TMEM177: variants seen among roughly 807,000 people sequenced by gnomAD.
TMEM177 encodes the protein transmembrane protein 177.
Under a neutral mutation model 14.2 loss-of-function variants are expected in TMEM177, and 4 were observed. The ratio of observed to expected loss-of-function variants is 0.28; its 90% CI spans 0.14 to 0.64. TMEM177 has a LOEUF of 0.64. Among genes scored for constraint, TMEM177 ranks in the 30% least tolerant of loss-of-function variants. The probability of loss-of-function intolerance (pLI) is 0.82; values close to 1 mark genes in which losing one functional copy is unlikely to be tolerated. For synonymous variants in TMEM177, 179 were observed against 174.5 expected, an observed-to-expected ratio of 1.03 and a Z score of -0.20; for missense variants, 344 against 405.2, an observed-to-expected ratio of 0.85 and a Z score of 1.30.
the TMEM177 span, among the ~76,000 whole-genome samples, chr2:119,701,571 G>A: frequency 2.6e-5 from 4 of 152,270 alleles, no homozygotes; most frequent in East Asian, 3.9e-4. Flanking sequence ...GTGTCCCAGC[G>A]CAGTGACAAG....
chr2:119,681,801 C>T lies in TMEM177; in HGVS notation c.*12C>T, dbSNP rs1206882916. On this transcript the variant is annotated 3_prime_UTR_variant, in exon 2 of 2. Coordinates refer to ENST00000272521, the MANE Select transcript of TMEM177 (RefSeq NM_030577.3). Reference sequence around the variant, plus strand: ...CGGGCCGCTCCTGATGGGCTCATCACAAGGACACTTCCAGCTTGTGCAGAC... The same window carrying T: ...CGGGCCGCTCCTGATGGGCTCATCATAAGGACACTTCCAGCTTGTGCAGAC... The T allele has an allele frequency of 3.7e-6, 6 of 1,604,964 alleles. No individual in the cohort carries two copies. The highest frequency in any genetic ancestry group is 1.3e-5 in the African/African-American group (1 of 74,856).
At chr2:119,707,733 A>C in the TMEM177 span, among the ~76,000 whole-genome samples, 3 of 152,100 alleles carry the variant, frequency 2.0e-5, no homozygotes, top group Middle Eastern at 3.2e-3. Flanking sequence ...GAGAGAACAG[A>C]GCTTAGGCCC....
At chr2:119,709,795 A>C in the TMEM177 span, among the ~76,000 whole-genome samples, 2 of 152,234 alleles carry the variant, frequency 1.3e-5, no homozygotes, top group Non-Finnish European at 2.9e-5. Context: ...ACTGCGCTCC[A>C]GTCTGGGCGA....
downstream of TMEM177, among the ~76,000 whole-genome samples, chr2:119,688,641 C>T (rs139264022): frequency 6.6e-4 from 100 of 152,292 alleles, no homozygotes; most frequent in East Asian, 0.019. Context: ...GGTTCCTCGC[C>T]GACTGAATGT....
downstream of TMEM177, chr2:119,686,329 TTGGAGTTGCTGCCC>T (rs1689014572): frequency 6.6e-6 from 1 of 152,280 alleles, no homozygotes; most frequent in Admixed American, 6.5e-5. Flanking sequence ...TGTTCAGGTC[TTGGAGTTGCTGCCC>T]AAATACCAGC....
At chr2:119,688,780 T>C (rs1689054504), downstream of TMEM177, among the ~76,000 whole-genome samples, 1 of 152,180 alleles carries the variant, frequency 6.6e-6, no homozygotes, top group South Asian at 2.1e-4. Context: ...TCTTGGGGCA[T>C]GGCCAGCCTT....
At chr2:119,716,430 GA>G in the TMEM177 span, among the ~76,000 whole-genome samples, 2 of 152,222 alleles carry the variant, frequency 1.3e-5, no homozygotes, top group Non-Finnish European at 2.9e-5. Flanking sequence ...ATATGCTTGA[GA>G]GAAATTTACT....
chr2:119,689,224 CCTCA>C (rs1394948329), downstream of TMEM177, among the ~76,000 whole-genome samples: 1 of 152,208 alleles, frequency 6.6e-6, no homozygotes, highest in Non-Finnish European at 1.5e-5. Context: ...CACGGTTACT[CCTCA>C]CTCAGTCAGG....
chr2:119,717,373 G>C, the TMEM177 span, among the ~76,000 whole-genome samples: 31 of 151,834 alleles, frequency 2.0e-4, no homozygotes, highest in Non-Finnish European at 3.4e-4. Context: ...GGAAAGGAAA[G>C]AAAGTCTGAG....
chr2:119,717,327 C>G, the TMEM177 span, among the ~76,000 whole-genome samples: 1 of 148,126 alleles, frequency 6.8e-6, no homozygotes, highest in African/African-American at 2.5e-5. Context: ...ATGACTCCAT[C>G]TGGAAAAAAA....
chr2:119,693,940 A>AT, the TMEM177 span, among the ~76,000 whole-genome samples: 54 of 149,910 alleles, frequency 3.6e-4, no homozygotes, highest in Admixed American at 4.6e-4. Context: ...CACATCACAC[A>AT]AGCCACACAC....
chr2:119,719,209 C>T, the TMEM177 span, among the ~76,000 whole-genome samples: 1 of 152,182 alleles, frequency 6.6e-6, no homozygotes, highest in African/African-American at 2.4e-5. Flanking sequence ...AATCACTACC[C>T]TCATCCACCT....
the TMEM177 span, among the ~76,000 whole-genome samples, chr2:119,710,291 G>A: frequency 2.0e-3 from 300 of 152,348 alleles, 2 homozygotes; most frequent in African/African-American, 6.7e-3. Context: ...GTTTATAGGA[G>A]CAGTGTATTG....
the TMEM177 span, among the ~76,000 whole-genome samples, chr2:119,718,089 A>G: frequency 6.6e-6 from 1 of 152,182 alleles, no homozygotes; most frequent in Non-Finnish European, 1.5e-5. Flanking sequence ...CTGAAATTGC[A>G]GGCAGGAATC....
the TMEM177 span, among the ~76,000 whole-genome samples, chr2:119,720,513 G>T: frequency 6.6e-6 from 1 of 151,320 alleles, no homozygotes; most frequent in Non-Finnish European, 1.5e-5. Context: ...CAGATGATCC[G>T]CCCACCTCGG....
chr2:119,705,990 A>ATATATATATTATATTATATAT, the TMEM177 span, among the ~76,000 whole-genome samples: 1 of 14,606 alleles, frequency 6.8e-5, no homozygotes, highest in Non-Finnish European at 2.5e-4. Flanking sequence ...CTCTCTATAT[A>ATATATATATTATATTATATAT]TATATATTAT....
At chr2:119,688,853 T>A (rs1287292289), downstream of TMEM177, among the ~76,000 whole-genome samples, 1 of 152,214 alleles carries the variant, frequency 6.6e-6, no homozygotes, top group African/African-American at 2.4e-5. Flanking sequence ...CGGAGCGGAT[T>A]TGACTGACAG....
chr2:119,722,178 G>A, the TMEM177 span, among the ~76,000 whole-genome samples: 1 of 152,098 alleles, frequency 6.6e-6, no homozygotes, highest in Non-Finnish European at 1.5e-5. Flanking sequence ...GCCAGGAATT[G>A]AGACCAGCCT....
chr2:119,712,976 A>T, the TMEM177 span, among the ~76,000 whole-genome samples: 1 of 152,224 alleles, frequency 6.6e-6, no homozygotes. Context: ...GTCTAAGAAC[A>T]CACAAAACAA....
Sources: allele counts gnomAD v4.1 joint callset (sites outside exome capture counted in the v4.1 genomes callset), GRCh38; gene constraint gnomAD v4.1.1; transcripts MANE v1.5; gene names NCBI Gene and HGNC (gene_info 2026-07-23, HGNC 2026-07-21).